Variants in EDC3 observed in about 807,000 individuals in gnomAD.
EDC3 encodes the protein enhancer of mRNA decapping 3, also known as enhancer of mRNA-decapping protein 3.
In EDC3, 20 loss-of-function variants were observed where a neutral mutation model predicts 41.8. That is an observed-to-expected ratio of 0.48 (90% CI 0.34 to 0.70). The LOEUF is 0.70. EDC3 is among the 30% of genes least tolerant of loss of function. EDC3 has a pLI of 0.01. For missense variants in EDC3, 444 were observed against 636.8 expected, an observed-to-expected ratio of 0.70 and a Z score of 3.26; for synonymous variants, 206 against 243.2, an observed-to-expected ratio of 0.85 and a Z score of 1.42.
chr15:74,694,246 A>G (rs990047911), intron 1 of EDC3, among the ~76,000 whole-genome samples: 1 of 152,166 alleles, frequency 6.6e-6, no homozygotes, highest in East Asian at 1.9e-4. Flanking sequence ...GAGTCTTGCT[A>G]TGTTGCCCAG....
At chr15:74,678,821 T>A (rs1356507418) in intron 1 of EDC3, among the ~76,000 whole-genome samples, 3 of 123,008 alleles carry the variant, frequency 2.4e-5, no homozygotes, top group Non-Finnish European at 3.4e-5. Context: ...AATGGGGAGG[T>A]GGAGGTTGCA....
intron 6 of EDC3, 131 bp from the exon 7 acceptor site, chr15:74,633,077 G>C (rs550128318): frequency 8.8e-6 from 9 of 1,017,118 alleles, no homozygotes; most frequent in Admixed American, 2.6e-5. Flanking sequence ...CCAAAGGCTG[G>C]CCTTCTTAAA....
In EDC3 at chr15:74,656,049, G is replaced by C. The variant is rs758336758; in HGVS notation, c.504C>G (p.His168Gln). 1.2e-6 allele frequency: 2 copies of C among 1,611,628 alleles called. No homozygotes were observed. The highest frequency in any genetic ancestry group is 3.3e-5 in the Admixed American group (2 of 59,738). Residue 168 changes from histidine to glutamine, a missense_variant, in exon 4 of 7, where the codon CAC becomes CAG. By Grantham distance (24) the His-to-Gln change is conservative. This residue lies in a region of EDC3 where 200 missense variants were observed against 244.0 expected (regional missense o/e 0.82). Transcript: ENST00000315127. ...TTTTCTTGGGAGTTGCCTGATTTGG[G>C]TGCCTGCTACTAGATGACCCTGGAG... is the stretch of plus-strand genomic sequence containing the variant. ...RHNSWSSSSR[H>Q]PNQATPKKSG...
chr15:74,662,554 T>C (rs889087768), intron 3 of EDC3, among the ~76,000 whole-genome samples: 1 of 152,074 alleles, frequency 6.6e-6, no homozygotes, highest in Non-Finnish European at 1.5e-5. Flanking sequence ...ATGCCAACTT[T>C]GTTACATGAC....
At chr15:74,692,054 C>T (rs2063014217) in intron 1 of EDC3, among the ~76,000 whole-genome samples, 1 of 152,058 alleles carries the variant, frequency 6.6e-6, no homozygotes, top group African/African-American at 2.4e-5. Flanking sequence ...CTCCTGACCT[C>T]GTGATCCGCC....
intron 1 of EDC3, among the ~76,000 whole-genome samples, chr15:74,693,630 T>C (rs2063032614): frequency 6.6e-6 from 1 of 152,190 alleles, no homozygotes; most frequent in Non-Finnish European, 1.5e-5. Flanking sequence ...TTCAAACTCA[T>C]GACTCCATCT....
chr15:74,655,606 G>A (rs2141614725), intron 4 of EDC3, 127 bp downstream of exon 4: 1 of 931,262 alleles, frequency 1.1e-6, no homozygotes, highest in East Asian at 2.6e-5. Flanking sequence ...ATAATACCGG[G>A]CCAGCCACCA....
At chr15:74,642,989 G>A (rs528693401) in intron 4 of EDC3, 1 of 152,278 alleles carries the variant, frequency 6.6e-6, no homozygotes, top group Non-Finnish European at 1.5e-5. Flanking sequence ...TTGCAGCCTA[G>A]AGAAAGACAA....
At chr15:74,676,882 A>G (rs1021799874) in intron 1 of EDC3, 4 of 152,222 alleles carry the variant, frequency 2.6e-5, no homozygotes, top group Non-Finnish European at 5.9e-5. Context: ...AAGATGCTCT[A>G]CATCATATCA....
intron 1 of EDC3, among the ~76,000 whole-genome samples, chr15:74,685,435 A>AGTGTGT: frequency 6.6e-6 from 1 of 152,194 alleles, no homozygotes; most frequent in Middle Eastern, 3.4e-3. Context: ...ATAGATAGAT[A>AGTGTGT]GTGTGTGTGT....
chr15:74,682,904 C>A (rs985494958), intron 1 of EDC3, among the ~76,000 whole-genome samples: 1 of 152,048 alleles, frequency 6.6e-6, no homozygotes, highest in Non-Finnish European at 1.5e-5. Context: ...TGCCTGTAAT[C>A]CCAGCTACTC....
intron 4 of EDC3, among the ~76,000 whole-genome samples, chr15:74,651,080 C>T (rs1040805705): frequency 3.9e-5 from 6 of 152,154 alleles, no homozygotes; most frequent in African/African-American, 1.4e-4. Flanking sequence ...GAAGCCTTAC[C>T]ACTTTACTAA....
At chr15:74,686,557 G>C (rs1315793455) in intron 1 of EDC3, among the ~76,000 whole-genome samples, 1 of 151,994 alleles carries the variant, frequency 6.6e-6, no homozygotes, top group African/African-American at 2.4e-5. Context: ...GGCCGAGGCA[G>C]GTGGATCACC....
intron 1 of EDC3, among the ~76,000 whole-genome samples, chr15:74,685,416 T>TATAGATAG (rs150352914): frequency 8.6e-5 from 13 of 151,250 alleles, no homozygotes; most frequent in Non-Finnish European, 1.3e-4. Flanking sequence ...ACAAAAAGTA[T>TATAGATAG]ATAGATAGAT....
intron 6 of EDC3, among the ~76,000 whole-genome samples, chr15:74,633,931 T>C (rs2062241652): frequency 6.6e-6 from 1 of 152,024 alleles, no homozygotes; most frequent in South Asian, 2.1e-4. Flanking sequence ...AGAGTGAGAG[T>C]GGCATCCTAT....
chr15:74,638,598 T>C (rs1176894288), intron 5 of EDC3: 1 of 152,136 alleles, frequency 6.6e-6, no homozygotes, highest in African/African-American at 2.4e-5. Flanking sequence ...CCTCCCGAAG[T>C]ATAGGGATTA....
intron 1 of EDC3, among the ~76,000 whole-genome samples, chr15:74,686,549 C>T (rs750290787): frequency 6.6e-6 from 1 of 151,812 alleles, no homozygotes; most frequent in Non-Finnish European, 1.5e-5. Context: ...CTTTCAGAGG[C>T]CGAGGCAGGT....
At position 74,640,546 on chromosome 15, in the gene EDC3, C is replaced by A; in HGVS notation, c.894G>T (p.Gly298=). ...KKLLSVAEKH[G]LTLERRLEMT... is the part of the protein sequence containing the mutation. The stretch of plus-strand genomic sequence containing the variant: ...TCTCCAGTCTCCGCTCAAGGGTCAG[C>A]CCATGCTTCTCAGCCACGGACAACA... The change falls in exon 5 of 7, where the codon GGG becomes GGT. Residue 298 remains glycine (G), a synonymous_variant. Coordinates refer to ENST00000315127, the MANE Select transcript of EDC3 (RefSeq NM_025083.5). 1 of 1,614,208 alleles carries A rather than the reference C, an allele frequency of 6.2e-7. No individual in the cohort carries two copies. Among genetic ancestry groups the A allele is most frequent in the Non-Finnish European group, 8.5e-7 (1 of 1,180,038 alleles).
rs908980097 is a variant in EDC3, at chr15:74,671,332, T to A, written c.484+123A>T. Reference sequence around the variant, plus strand: ...GGAAGAGAACCATGTTGTATTTCTGTGACGCTCAGCCAGCATCCATTTTAT... The same window carrying A: ...GGAAGAGAACCATGTTGTATTTCTGAGACGCTCAGCCAGCATCCATTTTAT... On this transcript the variant is annotated intron_variant, in intron 3 of 6. Coordinates refer to ENST00000315127, the MANE Select transcript of EDC3 (RefSeq NM_025083.5). The surrounding 1 kb of genome is among the most constrained non-coding windows in gnomAD (Gnocchi z 4.6). 2.7e-6 allele frequency: 3 copies of A among 1,106,490 alleles called. No individual in the cohort carries two copies. In the Admixed American group the frequency reaches 7.1e-5, roughly 26 times the overall value. 68.5% of individuals were successfully genotyped at this position (1,106,490 alleles called of 1,614,324 possible). A position where few individuals can be genotyped will look rare whatever the true frequency, so the allele number is the denominator to read the frequency against.
Sources: allele counts gnomAD v4.1 joint callset (sites outside exome capture counted in the v4.1 genomes callset), GRCh38; gene constraint gnomAD v4.1.1; regional missense constraint gnomAD v4.1.1; non-coding constraint Gnocchi (gnomAD v3.1); transcripts MANE v1.5; gene names NCBI Gene and HGNC (gene_info 2026-07-23, HGNC 2026-07-21).